The following TMEM106A variants were observed in gnomAD, a reference collection of about 807,000 sequenced individuals.
TMEM106A encodes transmembrane protein 106A.
A neutral mutation model predicts 25.1 loss-of-function variants in TMEM106A; 22 were observed. The ratio of observed to expected loss-of-function variants is 0.88; its 90% CI spans 0.63 to 1.25. The LOEUF (loss-of-function observed/expected upper bound fraction) is 1.25. TMEM106A is among the 50% of genes most tolerant of loss of function. TMEM106A has a pLI of 0.00. For synonymous variants in TMEM106A, 104 were observed against 129.9 expected (o/e 0.80, Z 1.35); for missense variants, 275 against 318.1 (o/e 0.86, Z 1.03).
chr17:43,217,834 C>G lies in TMEM106A; in HGVS notation c.*33C>G. On this transcript the variant is annotated 3_prime_UTR_variant, in exon 9 of 9. Transcript: ENST00000612339. ...GCTGTCCCTGTACTCCAGGCACCTGCAACCCTGGTCTATATCTCCCACAAC... is the reference window on the plus strand; with the variant it reads ...GCTGTCCCTGTACTCCAGGCACCTGGAACCCTGGTCTATATCTCCCACAAC... 6.2e-7 allele frequency: 1 copy of G among 1,613,272 alleles called. No individual in the cohort carries two copies. Among genetic ancestry groups the G allele is most frequent in the Non-Finnish European group, 8.5e-7 (1 of 1,179,522 alleles).
Position 43,217,994 on chromosome 17 carries a change from C to A in TMEM106A, c.*193C>A. The A allele has an allele frequency of 1.4e-6, 1 of 717,868 alleles. No individual in the cohort carries two copies. Among genetic ancestry groups the A allele is most frequent in the Non-Finnish European group, 2.2e-6 (1 of 449,734 alleles). The allele number at this position is 717,868 out of a possible 1,614,324, so 44.5% of individuals were successfully genotyped here. A position where few individuals can be genotyped will look rare whatever the true frequency, so the allele number is the denominator to read the frequency against. ...CTTCATACACACACACTCATATCCT[C>A]CAGTTTCCCCCAGATTCTTTCAGGG... On this transcript the variant is annotated 3_prime_UTR_variant, in exon 9 of 9. Coordinates refer to ENST00000612339, the MANE Select transcript of TMEM106A (RefSeq NM_145041.4).
At chr17:43,215,762 C>T (rs1216373351) in intron 4 of TMEM106A, 26 bp from the exon 5 acceptor site, 2 of 1,612,276 alleles carry the variant, frequency 1.2e-6, no homozygotes, top group Admixed American at 1.7e-5. Flanking sequence ...TTCCATTCCT[C>T]CATCCTGGGT....
chr17:43,213,929 G>A (rs1357880831), intron 4 of TMEM106A, 38 bp downstream of exon 4: 1 of 1,605,398 alleles, frequency 6.2e-7, no homozygotes, highest in Admixed American at 1.7e-5. Context: ...ACAAGCCATT[G>A]CCCCTGGGGG....
chr17:43,215,734 T>G, intron 4 of TMEM106A, 54 bp from the exon 5 acceptor site: 2 of 1,601,434 alleles, frequency 1.2e-6, no homozygotes, highest in South Asian at 2.2e-5. Context: ...TCTCCGAGTT[T>G]CCTTGGTGTT....
chr17:43,214,287 G>A (rs2057465425), intron 4 of TMEM106A, among the ~76,000 whole-genome samples: 2 of 152,064 alleles, frequency 1.3e-5, no homozygotes, highest in South Asian at 4.2e-4. Flanking sequence ...CCACCTGGTG[G>A]GCTTCCTTAA....
rs989230248 is a variant in TMEM106A at position 43,211,890 on chromosome 17, C to G, written c.-222C>G. 6.6e-6 allele frequency: 1 copy of G among 152,296 alleles called. No homozygotes were observed. Among genetic ancestry groups the G allele is most frequent in the African/African-American group, 2.4e-5 (1 of 41,388 alleles). The allele number at this position is 152,296 out of a possible 1,614,324, so 9.4% of individuals were successfully genotyped here. On this transcript the variant is annotated 5_prime_UTR_variant, in exon 1 of 9. Coordinates refer to ENST00000612339, the MANE Select transcript of TMEM106A (RefSeq NM_145041.4). ...TCGCTCCCGCATTTTCGATTCCACT[C>G]TCTTCCGTTTCTGTCGCTGCAGTCG...
intron 7 of TMEM106A, 173 bp from the exon 8 acceptor site, chr17:43,217,086 A>G: frequency 2.8e-6 from 2 of 704,274 alleles, no homozygotes; most frequent in East Asian, 2.5e-5. Flanking sequence ...TAGTGCAGCC[A>G]TGCTGCTACA....
intron 2 of TMEM106A, among the ~76,000 whole-genome samples, chr17:43,212,806 T>G (rs1304707991): frequency 6.6e-6 from 1 of 152,204 alleles, no homozygotes; most frequent in African/African-American, 2.4e-5. Context: ...TGTAGGCAGA[T>G]TGGTCTCTTT....
intron 4 of TMEM106A, 85 bp from the exon 5 acceptor site, chr17:43,215,703 G>A (rs1248801732): frequency 1.4e-6 from 2 of 1,459,288 alleles, no homozygotes; most frequent in Non-Finnish European, 1.9e-6. Context: ...TTTGTATATG[G>A]AGAGGAGTGT....
chr17:43,212,791 C>A (rs1391364011), intron 2 of TMEM106A, among the ~76,000 whole-genome samples: 1 of 152,100 alleles, frequency 6.6e-6, no homozygotes, highest in Non-Finnish European at 1.5e-5. Context: ...TTTTGTTTTC[C>A]CTTTTGTAGG....
At chr17:43,214,970 AAAAAC>A (rs1431116601) in intron 4 of TMEM106A, among the ~76,000 whole-genome samples, 6 of 149,162 alleles carry the variant, frequency 4.0e-5, no homozygotes, top group Non-Finnish European at 8.9e-5. Context: ...AAAAAAAAAA[AAAAAC>A]AAAAAAAAAC....
chr17:43,213,350 A>G (rs1355449551), intron 3 of TMEM106A, 98 bp downstream of exon 3: 3 of 1,274,230 alleles, frequency 2.4e-6, no homozygotes, highest in Non-Finnish European at 3.4e-6. Flanking sequence ...GGATGGGGTT[A>G]GATCTGCTCC....
At chr17:43,215,533 A>C (rs2057476734) in intron 4 of TMEM106A, among the ~76,000 whole-genome samples, 1 of 152,154 alleles carries the variant, frequency 6.6e-6, no homozygotes, top group Non-Finnish European at 1.5e-5. Flanking sequence ...GGAAACTGAG[A>C]CTTAAGGAGG....
chr17:43,216,726 G>A lies in TMEM106A; in HGVS notation c.600G>A (p.Arg200=). ...TTTACGCAGTAGCTACCAAGATACG[G>A]GATGAAAACACATAGTGAGTACCCC... ...QMFYAVATKI[R]DENTYKICTW... The change falls in exon 7 of 9, where the codon CGG becomes CGA. Residue 200 remains arginine, a synonymous_variant. Coordinates refer to ENST00000612339, the MANE Select transcript of TMEM106A (RefSeq NM_145041.4). The A allele has an allele frequency of 6.2e-7, 1 of 1,614,206 alleles. No homozygotes were observed. The highest frequency in any genetic ancestry group is 1.1e-5 in the South Asian group (1 of 91,086).
At position 43,217,934 on chromosome 17, in the gene TMEM106A, A is replaced by AC. The variant is rs2057502469; in HGVS notation, c.*138dup. On this transcript the variant is annotated 3_prime_UTR_variant, in exon 9 of 9. Transcript: ENST00000612339. ...CTGCCTCATCACACCCTTACCTCCC[A>AC]CCCCCTCAGCACAGGAAGCTTGCTT... 2 of 1,320,556 alleles carry AC rather than the reference A, an allele frequency of 1.5e-6. No individual in the cohort carries two copies. The highest frequency in any genetic ancestry group is 2.1e-6 in the Non-Finnish European group (2 of 954,590). The allele number at this position is 1,320,556 out of a possible 1,614,324, so 81.8% of individuals were successfully genotyped here.
rs568330101 is a variant in TMEM106A at position 43,219,890 on chromosome 17, A to C, written c.*2089A>C. The C allele has an allele frequency of 6.6e-6, 1 of 152,380 alleles. No homozygotes were observed. The allele number at this position is 152,380 out of a possible 1,614,324, so 9.4% of individuals were successfully genotyped here. The stretch of plus-strand genomic sequence containing the variant: ...GCTGGCTGGGGGAACGAGGGGAAGG[A>C]AGGAGACTGCTGTCTCCAAGCTGAG... On this transcript the variant is annotated 3_prime_UTR_variant, in exon 9 of 9. Transcript: ENST00000612339.
In TMEM106A at chr17:43,211,933, C is replaced by A. The variant is rs1432990979; in HGVS notation, c.-190+11C>A. The A allele has an allele frequency of 6.6e-6, 1 of 152,270 alleles. No homozygotes were observed. The highest frequency in any genetic ancestry group is 2.4e-5 in the African/African-American group (1 of 41,450). The allele number at this position is 152,270 out of a possible 1,614,324, so 9.4% of individuals were successfully genotyped here. ...TGCAGTCGTCCGCGGGTAAGGCCCT[C>A]CCTAGACCCTTTATACCTACTTTAC... On this transcript the variant is annotated intron_variant, in intron 1 of 8. Coordinates refer to ENST00000612339, the MANE Select transcript of TMEM106A (RefSeq NM_145041.4).
chr17:43,216,888 T>C, intron 7 of TMEM106A, 148 bp downstream of exon 7: 1 of 1,031,048 alleles, frequency 9.7e-7, no homozygotes, highest in Non-Finnish European at 1.5e-6. Context: ...AAGCAAGGGT[T>C]CAGGGTCCCC....
chr17:43,217,708 C>G lies in TMEM106A; in HGVS notation c.696C>G (p.Ser232Arg). Residue 232 changes from serine to arginine, a missense_variant, in exon 9 of 9, where the codon AGC (serine) becomes AGG (arginine). Ser to Arg is a moderately radical substitution (Grantham distance 110). Coordinates refer to ENST00000612339, the MANE Select transcript of TMEM106A (RefSeq NM_145041.4). ...GCACCCTGACCTGTTCATACCTGAGCCATTCAGAGCAGCTGGTCTTTCAGA... is the reference window on the plus strand; with the variant it reads ...GCACCCTGACCTGTTCATACCTGAGGCATTCAGAGCAGCTGGTCTTTCAGA... ...IQGTLTCSYL[S>R]HSEQLVFQSY... 1.2e-6 allele frequency: 2 copies of G among 1,614,198 alleles called. No homozygotes were observed. Among genetic ancestry groups the G allele is most frequent in the Non-Finnish European group, 1.7e-6 (2 of 1,180,032 alleles).
Sources: gnomAD v4.1 joint callset for allele counts (sites outside exome capture counted in the v4.1 genomes callset) on GRCh38, gnomAD v4.1.1 for gene constraint, MANE v1.5 for transcripts, NCBI Gene and HGNC (gene_info 2026-07-23, HGNC 2026-07-21) for gene names.